TNRC6A: variants seen among roughly 807,000 people sequenced by gnomAD.
TNRC6A encodes trinucleotide repeat-containing gene 6A protein.
Under a neutral mutation model 221.2 loss-of-function variants are expected in TNRC6A, and 44 were observed. The ratio of observed to expected loss-of-function variants is 0.20; its 90% CI spans 0.16 to 0.26. TNRC6A has a LOEUF of 0.26. Among genes scored for constraint, TNRC6A ranks in the 10% least tolerant of loss-of-function variants. The pLI is 1.00. For missense variants in TNRC6A, 2,199 were observed against 2,404.4 expected (o/e 0.91, Z 1.79); for synonymous variants, 847 against 838.5 (o/e 1.01, Z -0.18).
chr16:24,738,597 G>A (rs1411037113), intron 2 of TNRC6A, among the ~76,000 whole-genome samples: 3 of 152,108 alleles, frequency 2.0e-5, no homozygotes, highest in Admixed American at 6.5e-5. Flanking sequence ...TTCAAGGTTC[G>A]TCCATCATGT....
At position 24,792,613 on chromosome 16, in the gene TNRC6A, C is replaced by CTTTTTTTTT. The variant is rs34670934; in HGVS notation, c.3175+813_3175+821dup. 3.4e-3 allele frequency among the ~76,000 whole-genome samples: 193 copies of CTTTTTTTTT among 56,544 alleles called. 8 individuals are homozygous for CTTTTTTTTT. Among genetic ancestry groups the CTTTTTTTTT allele is most frequent in the East Asian group, 7.6e-3 (14 of 1,854 alleles). The allele number at this position is 56,544 out of a possible 152,430, so 37.1% of individuals were successfully genotyped here. On this transcript the variant is annotated intron_variant, in intron 6 of 24. Transcript: ENST00000395799. ...ATTTTTTTTAATGAAACATTTATGG[C>CTTTTTTTTT]TTTTTTTTTTTTTTTTTTTTTTTTT... is the stretch of plus-strand genomic sequence containing the variant.
chr16:24,643,078 A>ATG (rs1368911317), intron 2 of TNRC6A, among the ~76,000 whole-genome samples: 1 of 133,240 alleles, frequency 7.5e-6, no homozygotes, highest in Non-Finnish European at 1.6e-5. Context: ...TTATATATAT[A>ATG]TTATATATAT....
chr16:24,783,973 C>A (rs1319330913), intron 5 of TNRC6A, among the ~76,000 whole-genome samples: 2 of 152,122 alleles, frequency 1.3e-5, no homozygotes, highest in African/African-American at 4.8e-5. Flanking sequence ...AGCGTCTTTT[C>A]CCATCCCCTG....
intron 2 of TNRC6A, among the ~76,000 whole-genome samples, chr16:24,687,367 G>A (rs570349577): frequency 1.3e-5 from 2 of 152,300 alleles, no homozygotes; most frequent in East Asian, 3.9e-4. Context: ...AATGACTAAA[G>A]GATGAATTCT....
At position 24,791,111 on chromosome 16, in the gene TNRC6A, AGAG is replaced by A. The variant is rs774387323; in HGVS notation, c.2473_2475del (p.Glu825del). 3 of 1,613,740 alleles carry A rather than the reference AGAG, an allele frequency of 1.9e-6. No individual in the cohort carries two copies. Among genetic ancestry groups the A allele is most frequent in the Non-Finnish European group, 2.5e-6 (3 of 1,179,882 alleles). ...AGAGCAATCAGTGGGGGAATTGCAA[AGAG>A]GAGAAGGCTGCATGGAATGACTCGC... On this transcript the variant is annotated inframe_deletion, in exon 6 of 25. Transcript: ENST00000395799.
chr16:24,795,438 C>T (rs2058198795), intron 8 of TNRC6A, among the ~76,000 whole-genome samples: 1 of 152,088 alleles, frequency 6.6e-6, no homozygotes, highest in Admixed American at 6.5e-5. Flanking sequence ...GCTGTCAGAT[C>T]CTCCTGGGGA....
intron 2 of TNRC6A, among the ~76,000 whole-genome samples, chr16:24,712,907 CTGTGTGTG>C (rs61198955): frequency 0.022 from 2,832 of 126,688 alleles, 55 homozygotes; most frequent in South Asian, 0.035. Context: ...TTATGTGCCA[CTGTGTGTG>C]TGTGTGTGTG....
At chr16:24,702,774 G>A (rs555715352) in intron 2 of TNRC6A, among the ~76,000 whole-genome samples, 8 of 152,108 alleles carry the variant, frequency 5.3e-5, no homozygotes, top group African/African-American at 1.7e-4. Flanking sequence ...AGTGGCTCAC[G>A]CCTGTAATCC....
intron 2 of TNRC6A, among the ~76,000 whole-genome samples, chr16:24,659,438 G>T (rs802757): frequency 0.65 from 99,445 of 151,962 alleles, 35,575 homozygotes; most frequent in East Asian, 0.8. Flanking sequence ...CCAAGTGGTG[G>T]GTGGTAGAAT....
Position 24,794,670 on chromosome 16 carries a change from T to C in TNRC6A, c.3479T>C (p.Leu1160Pro). The change falls in exon 8 of 25, where the codon CTT (leucine) becomes CCT (proline). Residue 1160 changes from leucine to proline, a missense_variant. Leu to Pro is a moderately conservative substitution (Grantham distance 98). Transcript: ENST00000395799. ...GMWNSNSSQE[L>P]NSSLNWPPYT... ...TGGAATAGTAATTCATCTCAAGAGC[T>C]TAACTCATCTTTAAATTGGCCACCA... 1 of 1,613,848 alleles carries C rather than the reference T, an allele frequency of 6.2e-7. No homozygotes were observed. Among genetic ancestry groups the C allele is most frequent in the Non-Finnish European group, 8.5e-7 (1 of 1,179,832 alleles).
In TNRC6A at chr16:24,789,820, T is replaced by C; in HGVS notation, c.1178T>C (p.Ile393Thr). The change falls in exon 6 of 25, where the codon ATT (isoleucine) becomes ACT (threonine). Residue 393 changes from isoleucine (I) to threonine (T), a missense_variant. This residue lies in a region of TNRC6A where 1,405 missense variants were observed against 1,400.2 expected (regional missense o/e 1.00). Transcript: ENST00000395799. ...GGGAGTGGTAGTTCTGGCATTAATATTCAGTGCAGTACTATAGGCCAGATG... is the reference window on the plus strand; with the variant it reads ...GGGAGTGGTAGTTCTGGCATTAATACTCAGTGCAGTACTATAGGCCAGATG... ...PVGSGSSGIN[I>T]QCSTIGQMPN... 2.5e-6 allele frequency: 4 copies of C among 1,614,190 alleles called. No homozygotes were observed. The highest frequency in any genetic ancestry group is 1.6e-4 in the Middle Eastern group (1 of 6,062).
Position 24,683,190 on chromosome 16 carries a change from T to G in TNRC6A, n.402+42181T>G, listed in dbSNP as rs1350529812. Among the ~76,000 whole-genome samples, 8 of 152,110 alleles carry G rather than the reference T, an allele frequency of 5.3e-5. No individual in the cohort carries two copies. In the South Asian group the frequency reaches 1.2e-3, roughly 24 times the overall value. ...GCAGTTTTTTGGGTTTTGGTGTTTT[T>G]TTGTTGTTGTTACTATTGTTGTTTT... is the stretch of plus-strand genomic sequence containing the variant. On this transcript the variant is annotated intron_variant and non_coding_transcript_variant, in intron 2 of 2. Transcript: ENST00000566108.
chr16:24,680,537 T>C (rs1159079219), intron 2 of TNRC6A, among the ~76,000 whole-genome samples: 1 of 151,636 alleles, frequency 6.6e-6, no homozygotes, highest in African/African-American at 2.4e-5. Context: ...ACCAACATAG[T>C]GAAACCTCAT....
At chr16:24,635,224 C>A (rs116182742) in intron 1 of TNRC6A, among the ~76,000 whole-genome samples, 3,002 of 149,940 alleles carry the variant, frequency 0.02, 97 homozygotes, top group African/African-American at 0.07. Context: ...GAACTCTATA[C>A]CCTTCATCTG....
At chr16:24,642,331 G>A (rs753623094) in intron 2 of TNRC6A, among the ~76,000 whole-genome samples, 1 of 152,164 alleles carries the variant, frequency 6.6e-6, no homozygotes, top group African/African-American at 2.4e-5. Context: ...GACGCCTGTC[G>A]AGTTGTCAGG....
chr16:24,684,908 T>A (rs761572906), intron 2 of TNRC6A, among the ~76,000 whole-genome samples: 1 of 152,232 alleles, frequency 6.6e-6, no homozygotes, highest in Non-Finnish European at 1.5e-5. Flanking sequence ...AAACTTCACT[T>A]TCTTCTAAAC....
chr16:24,752,661 C>T (rs1490410818), intron 3 of TNRC6A, among the ~76,000 whole-genome samples: 1 of 152,154 alleles, frequency 6.6e-6, no homozygotes, highest in Non-Finnish European at 1.5e-5. Context: ...GGGGTAAAGG[C>T]TTATCAGACT....
chr16:24,776,656 G>A (rs2057724078), intron 4 of TNRC6A: 6 of 985,452 alleles, frequency 6.1e-6, no homozygotes, highest in Non-Finnish European at 6.0e-6. Flanking sequence ...TTTGACCAGA[G>A]AGTAATGTGG....
At chr16:24,801,306 GAGT>G (rs1214362791) in intron 11 of TNRC6A, among the ~76,000 whole-genome samples, 3 of 152,184 alleles carry the variant, frequency 2.0e-5, no homozygotes, top group African/African-American at 7.2e-5. Context: ...GGACAAGTTA[GAGT>G]AGAATAATTT....
Sources: allele counts gnomAD v4.1 joint callset (sites outside exome capture counted in the v4.1 genomes callset), GRCh38; gene constraint gnomAD v4.1.1; regional missense constraint gnomAD v4.1.1; transcripts MANE v1.5; gene names NCBI Gene and HGNC (gene_info 2026-07-23, HGNC 2026-07-21).